Variants in DCTN1 observed in about 807,000 individuals in gnomAD.
DCTN1 encodes the protein dynactin subunit 1, also known as 150 kDa dynein-associated polypeptide.
In DCTN1, 61 loss-of-function variants were observed where a neutral mutation model predicts 161.2. The observed-to-expected ratio is 0.38, with a 90% CI of 0.31 to 0.47. The LOEUF (loss-of-function observed/expected upper bound fraction) is 0.47. Among genes scored for constraint, DCTN1 ranks in the 20% least tolerant of loss-of-function variants. DCTN1 has a pLI of 0.99. For synonymous variants in DCTN1, 653 were observed against 632.4 expected (o/e 1.03, Z -0.49); for missense variants, 1,404 against 1,623.7 (o/e 0.86, Z 2.33).
Position 74,371,593 on chromosome 2 carries a change from G to A in DCTN1, c.589C>T (p.Pro197Ser). ...AQTPLAAPII[P>S]TPVLTSPGAV... ...CCAGGAGAGGTGAGGACCGGCGTGG[G>A]GATGATGGGTGCTGCCAGCGGAGTC... Residue 197 changes from proline (P) to serine (S), a missense_variant, in exon 8 of 32, where the codon CCC (proline) becomes TCC (serine). Transcript: ENST00000628224. 6.3e-7 allele frequency: 1 copy of A among 1,588,882 alleles called. No individual in the cohort carries two copies. Among genetic ancestry groups the A allele is most frequent in the Non-Finnish European group, 8.6e-7 (1 of 1,168,120 alleles).
At chr2:74,377,309 T>C (rs542060989) in intron 4 of DCTN1, 123 bp downstream of exon 4, 94 of 842,364 alleles carry the variant, frequency 1.1e-4, no homozygotes, top group East Asian at 9.9e-4. Flanking sequence ...CTTAGGGAAG[T>C]TGGAGAGACT....
chr2:74,378,302 TTATGTA>T, intron 1 of DCTN1, 57 bp from the exon 2 acceptor site: 1 of 1,593,548 alleles, frequency 6.3e-7, no homozygotes, highest in Non-Finnish European at 8.5e-7. Context: ...GGTGGCATTC[TTATGTA>T]TAAGAAATGC....
rs1258027038 is a variant in DCTN1, at chr2:74,372,958, C to T, written c.433-10G>A. The T allele has an allele frequency of 1.2e-6, 2 of 1,613,652 alleles. No homozygotes were observed. The highest frequency in any genetic ancestry group is 2.2e-5 in the East Asian group (1 of 44,888). The stretch of plus-strand genomic sequence containing the variant: ...GTCGCCGAGTTGTGGTCTGGACAGG[C>T]AACAGGAGCCAGAAGAGAAGTAGTC... On this transcript the variant is annotated splice_polypyrimidine_tract_variant and intron_variant, in intron 6 of 31. Transcript: ENST00000628224.
chr2:74,366,663 A>C, intron 21 of DCTN1, 43 bp from the exon 22 acceptor site: 1 of 1,613,534 alleles, frequency 6.2e-7, no homozygotes, highest in Non-Finnish European at 8.5e-7. Context: ...TGGGTTCAGC[A>C]CCACAGTTTC....
chr2:74,368,380 T>C lies in DCTN1; in HGVS notation c.1855-249A>G. ...GGACCGGTGGAATCAAGGTCTTTCC[T>C]GACTTAAAGCTGCCACTCCTGCTAT... On this transcript the variant is annotated intron_variant, in intron 16 of 31. Coordinates refer to ENST00000628224, the MANE Select transcript of DCTN1 (RefSeq NM_004082.5). 3 of 622,634 alleles carry C rather than the reference T, an allele frequency of 4.8e-6. No individual in the cohort carries two copies. The South Asian group carries it at 6.0e-5, about 12-fold the overall frequency. 38.6% of individuals were successfully genotyped at this position (622,634 alleles called of 1,614,324 possible).
chr2:74,376,851 G>A (rs1310343026), intron 4 of DCTN1, 89 bp from the exon 5 acceptor site: 10 of 1,217,582 alleles, frequency 8.2e-6, no homozygotes, highest in Non-Finnish European at 1.1e-5. Flanking sequence ...CAGGTTAGAC[G>A]CGGGTAGGGG....
At position 74,361,363 on chromosome 2, in the gene DCTN1, G is replaced by T; in HGVS notation, c.*136C>A. 1 of 1,235,626 alleles carries T rather than the reference G, an allele frequency of 8.1e-7. No homozygotes were observed. The highest frequency in any genetic ancestry group is 1.2e-6 in the Non-Finnish European group (1 of 866,588). 76.5% of individuals were successfully genotyped at this position (1,235,626 alleles called of 1,614,324 possible). On this transcript the variant is annotated 3_prime_UTR_variant, in exon 32 of 32. Transcript: ENST00000628224. ...AGGTGAAGGGGCAGGACGCTGAAAGGGTGGGAGTGAAGCTGAACGGGGCAG... is the reference window on the plus strand; with the variant it reads ...AGGTGAAGGGGCAGGACGCTGAAAGTGTGGGAGTGAAGCTGAACGGGGCAG...
chr2:74,389,498 C>T (rs922614021), intron 1 of DCTN1, among the ~76,000 whole-genome samples: 2 of 152,148 alleles, frequency 1.3e-5, no homozygotes, highest in African/African-American at 2.4e-5. Context: ...CAGAGTAAAA[C>T]CTAGAGTGGC....
Position 74,391,841 on chromosome 2 carries a change from G to A in DCTN1, c.-66C>T, listed in dbSNP as rs1314779400. 1.3e-5 allele frequency: 6 copies of A among 453,712 alleles called. No individual in the cohort carries two copies. In the East Asian group the frequency reaches 2.1e-4, roughly 16 times the overall value. The allele number at this position is 453,712 out of a possible 1,614,324, so 28.1% of individuals were successfully genotyped here. ...CCCAGCTCCGACCCCACCGACGACC[G>A]ACGCCCAAGACCCTGCGGGGCCGGC... On this transcript the variant is annotated 5_prime_UTR_variant, in exon 1 of 28. Transcript: ENST00000409240.
exon 1 of DCTN1, chr2:74,391,857 CG>C (rs1337831207): frequency 4.4e-6 from 2 of 453,336 alleles, no homozygotes; most frequent in Admixed American, 4.7e-5. Flanking sequence ...CAAGACCCTG[CG>C]GGGCCGGCCC....
intron 18 of DCTN1, 105 bp downstream of exon 18, chr2:74,367,591 C>A: frequency 6.4e-7 from 1 of 1,569,446 alleles, no homozygotes; most frequent in Non-Finnish European, 8.7e-7. Context: ...AACCAGGCCT[C>A]AAGCAGCAAG....
At position 74,369,604 on chromosome 2, in the gene DCTN1, C is replaced by G; in HGVS notation, c.1393-113G>C. 1.9e-6 allele frequency: 2 copies of G among 1,053,956 alleles called. No homozygotes were observed. The highest frequency in any genetic ancestry group is 2.9e-6 in the Non-Finnish European group (2 of 683,050). The allele number at this position is 1,053,956 out of a possible 1,614,324, so 65.3% of individuals were successfully genotyped here. A position where few individuals can be genotyped will look rare whatever the true frequency, so the allele number is the denominator to read the frequency against. The stretch of plus-strand genomic sequence containing the variant: ...GGTCAAAGCAGGCGGATCATGAGGT[C>G]GAGATCGAGATCATGCTGGCCAACA... On this transcript the variant is annotated intron_variant, in intron 13 of 31. Transcript: ENST00000628224. The surrounding 1 kb of genome is among the most constrained non-coding windows in gnomAD (Gnocchi z 4.9).
At chr2:74,367,890 A>G (rs968669754) in intron 17 of DCTN1, 26 bp from the exon 18 acceptor site, 31 of 1,614,102 alleles carry the variant, frequency 1.9e-5, no homozygotes, top group Non-Finnish European at 2.0e-5. Flanking sequence ...GGGCACTGTG[A>G]GGCTAGAGTC....
At chr2:74,383,077 G>A (rs554730914), upstream of DCTN1, among the ~76,000 whole-genome samples, 43 of 147,060 alleles carry the variant, frequency 2.9e-4, no homozygotes, top group Non-Finnish European at 5.6e-4. Context: ...GCGAGACTCC[G>A]TCTCAAAAAA....
chr2:74,361,939 G>A (rs1474526417), intron 31 of DCTN1, 113 bp downstream of exon 31: 3 of 1,174,584 alleles, frequency 2.6e-6, no homozygotes, highest in East Asian at 4.8e-5. Context: ...GATAACCCAA[G>A]GTATGCAGTT....
intron 5 of DCTN1, 190 bp from the exon 6 acceptor site, chr2:74,374,530 G>A (rs754605793): frequency 1.3e-5 from 19 of 1,412,688 alleles, no homozygotes; most frequent in East Asian, 5.9e-5. Flanking sequence ...CTCCCGGTGC[G>A]GCAGCTTCCC....
At chr2:74,365,706 C>G in intron 24 of DCTN1, 49 bp from the exon 25 acceptor site, 1 of 1,613,858 alleles carries the variant, frequency 6.2e-7, no homozygotes, top group Non-Finnish European at 8.5e-7. Context: ...CCCACAGTCC[C>G]TGGAAACTGG....
In DCTN1 at chr2:74,389,304, A is replaced by G. The variant is rs1235936771; in HGVS notation, c.-19+2490T>C. On this transcript the variant is annotated intron_variant, in intron 1 of 27. Transcript: ENST00000409240. ...TTAATATAGATATGAATCTGGCAAT[A>G]TTCCAGCTCTTACATCTTCAGGGGA... Among the ~76,000 whole-genome samples, 4 of 152,296 alleles carry G rather than the reference A, an allele frequency of 2.6e-5. No individual in the cohort carries two copies. The East Asian group carries it at 7.7e-4, about 29-fold the overall frequency.
At chr2:74,372,849 C>T (rs749870491) in intron 7 of DCTN1, 79 bp downstream of exon 7, 20 of 1,397,332 alleles carry the variant, frequency 1.4e-5, no homozygotes, top group Non-Finnish European at 1.9e-5. Context: ...CTTGCTCATA[C>T]ACGTGCCCTC....
Sources: gnomAD v4.1 joint callset for allele counts (sites outside exome capture counted in the v4.1 genomes callset) on GRCh38, gnomAD v4.1.1 for gene constraint, Gnocchi (gnomAD v3.1) non-coding constraint, MANE v1.5 for transcripts, NCBI Gene and HGNC (gene_info 2026-07-23, HGNC 2026-07-21) for gene names.